GPM6A: variants seen among roughly 807,000 people sequenced by gnomAD.
GPM6A encodes neuronal membrane glycoprotein M6-a.
GPM6A carries 7 observed loss-of-function variants against 32.1 expected under a neutral mutation model. The observed-to-expected ratio is 0.22, with a 90% CI of 0.12 to 0.41. The LOEUF is 0.41. GPM6A is among the 10% of genes least tolerant of loss of function. The probability of loss-of-function intolerance (pLI) is 1.00; values close to 1 mark genes in which losing one functional copy is unlikely to be tolerated. For synonymous variants in GPM6A, 130 were observed against 123.4 expected (o/e 1.05, Z -0.35); for missense variants, 235 against 347.2 (o/e 0.68, Z 2.57).
intron 2 of GPM6A, among the ~76,000 whole-genome samples, chr4:175,686,260 A>G (rs1255178475): frequency 2.0e-5 from 3 of 152,248 alleles, no homozygotes; most frequent in Admixed American, 1.3e-4. Flanking sequence ...TTGGTGCAAA[A>G]GTAATTGCAG....
At chr4:175,771,569 A>AT (rs1733193990) in intron 1 of GPM6A, among the ~76,000 whole-genome samples, 3 of 151,720 alleles carry the variant, frequency 2.0e-5, no homozygotes, top group Admixed American at 2.0e-4. Context: ...AAAAAAAAAA[A>AT]AGAATTTTCA....
At chr4:175,941,469 C>G (rs1474143286) in intron 1 of GPM6A, among the ~76,000 whole-genome samples, 1 of 151,870 alleles carries the variant, frequency 6.6e-6, no homozygotes, top group Non-Finnish European at 1.5e-5. Context: ...ATACACATGC[C>G]ATGGTGGTTT....
upstream of GPM6A, among the ~76,000 whole-genome samples, chr4:175,816,963 C>T (rs1239696620): frequency 6.6e-6 from 1 of 152,018 alleles, no homozygotes; most frequent in African/African-American, 2.4e-5. Flanking sequence ...GGGTTCACGC[C>T]ATTCTCCTGC....
chr4:175,879,721 C>G (rs1737207650), intron 1 of GPM6A, among the ~76,000 whole-genome samples: 1 of 152,016 alleles, frequency 6.6e-6, no homozygotes, highest in South Asian at 2.1e-4. Context: ...AAATAGTAGG[C>G]AAAATGGCCT....
At chr4:175,933,709 AT>A (rs962725973) in intron 1 of GPM6A, among the ~76,000 whole-genome samples, 6 of 151,674 alleles carry the variant, frequency 4.0e-5, no homozygotes, top group Non-Finnish European at 7.4e-5. Context: ...TGCCCGGCTA[AT>A]TTTTTTTGTA....
intron 1 of GPM6A, among the ~76,000 whole-genome samples, chr4:175,702,154 G>C (rs1055220189): frequency 1.5e-4 from 23 of 152,096 alleles, no homozygotes; most frequent in African/African-American, 5.6e-4. Context: ...TTTGCACTCT[G>C]TGTATCTGCA....
At chr4:175,979,785 T>TA (rs1780894749) in intron 1 of GPM6A, among the ~76,000 whole-genome samples, 1 of 152,194 alleles carries the variant, frequency 6.6e-6, no homozygotes, top group African/African-American at 2.4e-5. Context: ...TTGTAATTGA[T>TA]AGCTTTATTC....
chr4:175,832,879 C>T (rs1392415846), intron 1 of GPM6A, among the ~76,000 whole-genome samples: 3 of 152,188 alleles, frequency 2.0e-5, no homozygotes, highest in Non-Finnish European at 2.9e-5. Flanking sequence ...ACATCTGGAT[C>T]ACAAGAATGC....
chr4:175,739,219 T>G (rs1484674999), intron 1 of GPM6A, among the ~76,000 whole-genome samples: 5 of 152,302 alleles, frequency 3.3e-5, no homozygotes, highest in Admixed American at 3.3e-4. Flanking sequence ...TGTTATTCTA[T>G]TTACCCCATT....
intron 1 of GPM6A, among the ~76,000 whole-genome samples, chr4:175,972,552 G>T (rs999488870): frequency 1.3e-5 from 2 of 152,162 alleles, no homozygotes; most frequent in African/African-American, 4.8e-5. Flanking sequence ...AAAATAAGAT[G>T]TTTAAGAATA....
intron 1 of GPM6A, among the ~76,000 whole-genome samples, chr4:175,975,945 C>CATAGTAATAGTA (rs1382898962): frequency 6.6e-6 from 1 of 150,728 alleles, no homozygotes; most frequent in Non-Finnish European, 1.5e-5. Flanking sequence ...TTTCCAAAAC[C>CATAGTAATAGTA]ATAGTAATAG....
rs113202295 is a variant in GPM6A, at chr4:175,948,078, A to G, written c.-23+54231T>C. Among the ~76,000 whole-genome samples the G allele has an allele frequency of 8.1e-3, 1,233 of 152,300 alleles. 9 individuals carry two copies. Among genetic ancestry groups the G allele is most frequent in the Non-Finnish European group, 0.013 (893 of 68,018 alleles). On this transcript the variant is annotated intron_variant, in intron 1 of 7. Transcript: ENST00000280187. ...TCCAAACACATCCCATTTCAGAGTT[A>G]GTAAATGCAGAGGACACCTGAAGAT...
In GPM6A at chr4:175,835,737, A is replaced by G. The variant is rs1031642326; in HGVS notation, c.-22-23488T>C. 3.4e-5 allele frequency among the ~76,000 whole-genome samples: 5 copies of G among 147,460 alleles called. No homozygotes were observed. In the East Asian group the frequency reaches 9.7e-4, roughly 29 times the overall value. ...ACAGTACATATTAACTATATATAAT[A>G]TATTATTTTTTCAAATAATTATATT... On this transcript the variant is annotated intron_variant, in intron 1 of 7. Coordinates refer to the GPM6A transcript ENST00000280187.
At chr4:175,847,002 C>G (rs1315140589) in intron 1 of GPM6A, among the ~76,000 whole-genome samples, 2 of 151,974 alleles carry the variant, frequency 1.3e-5, no homozygotes, top group East Asian at 3.9e-4. Flanking sequence ...TAAGTAAGAG[C>G]CAAGAATCAA....
At chr4:175,885,630 C>CA (rs142103627) in intron 1 of GPM6A, among the ~76,000 whole-genome samples, 6,605 of 151,826 alleles carry the variant, frequency 0.044, 205 homozygotes, top group Middle Eastern at 0.068. Flanking sequence ...CACTCTGTCT[C>CA]AAAAAAGAAA....
chr4:175,859,551 T>C (rs1736512268), intron 1 of GPM6A, among the ~76,000 whole-genome samples: 1 of 152,200 alleles, frequency 6.6e-6, no homozygotes, highest in South Asian at 2.1e-4. Context: ...ATGAAGTCTA[T>C]GTTTACTGTG....
intron 3 of GPM6A, among the ~76,000 whole-genome samples, chr4:175,667,386 T>A (rs180917470): frequency 1.3e-5 from 2 of 152,260 alleles, no homozygotes; most frequent in Non-Finnish European, 2.9e-5. Context: ...ACTCAGCCAA[T>A]ACTCCTTAAA....
At chr4:175,778,013 T>C (rs1218353273) in intron 1 of GPM6A, among the ~76,000 whole-genome samples, 1 of 152,200 alleles carries the variant, frequency 6.6e-6, no homozygotes, top group African/African-American at 2.4e-5. Flanking sequence ...AATTTATCAC[T>C]CATTTATTTC....
chr4:175,826,485 A>G (rs1735443961), intron 1 of GPM6A, among the ~76,000 whole-genome samples: 1 of 152,152 alleles, frequency 6.6e-6, no homozygotes, highest in Non-Finnish European at 1.5e-5. Context: ...TTGTTAATAT[A>G]GTAGTTTCGA....
Sources: allele counts gnomAD v4.1 joint callset (sites outside exome capture counted in the v4.1 genomes callset), GRCh38; gene constraint gnomAD v4.1.1; transcripts MANE v1.5; gene names NCBI Gene and HGNC (gene_info 2026-07-23, HGNC 2026-07-21).